Variants in NUP205 observed in about 807,000 individuals in gnomAD.
The protein encoded by NUP205 is nucleoporin 205.
NUP205 carries 76 observed loss-of-function variants against 253.8 expected under a neutral mutation model. The ratio of observed to expected loss-of-function variants is 0.30; its 90% confidence interval spans 0.25 to 0.36. NUP205 has a LOEUF of 0.36. NUP205 is among the 10% of genes least tolerant of loss of function. NUP205 has a pLI of 1.00. For missense variants in NUP205, 2,162 were observed against 2,425.5 expected (o/e 0.89, Z 2.28); for synonymous variants, 832 against 850.1 (o/e 0.98, Z 0.37).
At chr7:135,570,761 T>TATTATATTAATATATATTA (rs1554456509) in intron 1 of NUP205, among the ~76,000 whole-genome samples, 4 of 89,798 alleles carry the variant, frequency 4.5e-5, no homozygotes, top group South Asian at 3.1e-4. Context: ...TATATTTATA[T>TATTATATTAATATATATTA]ATTATATTAA....
chr7:135,608,572 G>A (rs1209251724), intron 22 of NUP205, among the ~76,000 whole-genome samples: 1 of 151,900 alleles, frequency 6.6e-6, no homozygotes, highest in Non-Finnish European at 1.5e-5. Flanking sequence ...GCTGGGCGTG[G>A]TGGCACGTGC....
intron 2 of NUP205, among the ~76,000 whole-genome samples, 158 bp downstream of exon 2, chr7:135,571,405 A>C (rs1805994947): frequency 6.7e-6 from 1 of 149,252 alleles, no homozygotes; most frequent in Non-Finnish European, 1.5e-5. Flanking sequence ...TGTACCCCTA[A>C]ACGCTTAAAA....
chr7:135,573,797 A>C lies in NUP205; in HGVS notation c.315A>C (p.Glu105Asp). 6.2e-7 allele frequency: 1 copy of C among 1,612,888 alleles called. No homozygotes were observed. Among genetic ancestry groups the C allele is most frequent in the Non-Finnish European group, 8.5e-7 (1 of 1,179,680 alleles). ...TCAGTGACCTTTTTGATATTGGAGAATTGGCAGCTGTTGAGCTTCTTCTTG... is the reference window on the plus strand; with the variant it reads ...TCAGTGACCTTTTTGATATTGGAGACTTGGCAGCTGTTGAGCTTCTTCTTG... ...FILSDLFDIG[E>D]LAAVELLLAG... The change falls in exon 3 of 43, where the codon GAA becomes GAC. Residue 105 changes from glutamate (E) to aspartate (D), a missense_variant. Glu to Asp is a conservative substitution (Grantham distance 45). This residue lies in a region of NUP205 where 109 missense variants were observed against 131.8 expected (regional missense o/e 0.83). Transcript: ENST00000285968.
intron 28 of NUP205, 21 bp downstream of exon 28, chr7:135,618,624 C>T (rs1431681959): frequency 6.6e-7 from 1 of 1,524,198 alleles, no homozygotes; most frequent in South Asian, 1.3e-5. Flanking sequence ...TCCTAAAATA[C>T]TTTATACTGC....
intron 11 of NUP205, 60 bp downstream of exon 11, chr7:135,591,660 C>T: frequency 6.9e-7 from 1 of 1,451,140 alleles, no homozygotes; most frequent in South Asian, 1.2e-5. Flanking sequence ...TTCAGTATCC[C>T]ACTACCTATT....
rs766915027 is a variant in NUP205 at position 135,587,616 on chromosome 7, G to A, written c.1260G>A (p.Met420Ile). Reference sequence around the variant, plus strand: ...ATCGGGCAGATGAAGATGCTCGAATGATTCACATGAGTATGCAGATGGGTA... The same window carrying A: ...ATCGGGCAGATGAAGATGCTCGAATAATTCACATGAGTATGCAGATGGGTA... ...LRNRADEDAR[M>I]IHMSMQMGNE... Residue 420 changes from methionine (M) to isoleucine (I), a missense_variant, in exon 9 of 43, where the codon ATG becomes ATA. Met to Ile is a conservative substitution (Grantham distance 10, BLOSUM62 1). Around this residue, in one of 5 missense-constraint regions of NUP205, gnomAD observed 892 missense variants for 957.1 expected, o/e 0.93. Transcript: ENST00000285968. 11 of 1,608,302 alleles carry A rather than the reference G, an allele frequency of 6.8e-6. No homozygotes were observed. Among genetic ancestry groups the A allele is most frequent in the Non-Finnish European group, 9.3e-6 (11 of 1,177,462 alleles).
At chr7:135,627,128 A>G (rs997549268) in intron 33 of NUP205, among the ~76,000 whole-genome samples, 1 of 152,170 alleles carries the variant, frequency 6.6e-6, no homozygotes, top group Admixed American at 6.5e-5. Context: ...TGCTATTATC[A>G]CTTGTCTGTG....
intron 28 of NUP205, among the ~76,000 whole-genome samples, chr7:135,619,175 G>T (rs562949105): frequency 2.6e-5 from 4 of 151,956 alleles, no homozygotes; most frequent in Non-Finnish European, 4.4e-5. Flanking sequence ...ACCAACCTGG[G>T]CAACATAGTG....
At position 135,573,609 on chromosome 7, in the gene NUP205, C is replaced by G. The variant is rs143851829; in HGVS notation, c.172-45C>G. On this transcript the variant is annotated intron_variant, in intron 2 of 42. Coordinates refer to ENST00000285968, the MANE Select transcript of NUP205 (RefSeq NM_015135.3). ...TGTAGGTAACACTTTGGGACCTTGT[C>G]TCCAGTGTGCTATTTTCATAACAAT... The G allele has an allele frequency of 2.2e-4, 329 of 1,486,820 alleles. No individual in the cohort carries two copies. The Middle Eastern group carries it at 2.3e-3, about 10-fold the overall frequency. 92.1% of individuals were successfully genotyped at this position (1,486,820 alleles called of 1,614,324 possible).
chr7:135,584,904 T>C lies in NUP205; in HGVS notation c.1115T>C (p.Leu372Pro). The C allele has an allele frequency of 6.2e-7, 1 of 1,613,938 alleles. No individual in the cohort carries two copies. Among genetic ancestry groups the C allele is most frequent in the Non-Finnish European group, 8.5e-7 (1 of 1,179,796 alleles). ...ATTGCTGACAACGTTTTCCTGTTCC[T>C]CATGGAATCTGTAGTGGTATCAGAA... ...LAIADNVFLF[L>P]MESVVVSEYF... Residue 372 changes from leucine to proline, a missense_variant, in exon 8 of 43, where the codon CTC (leucine) becomes CCC (proline). Coordinates refer to ENST00000285968, the MANE Select transcript of NUP205 (RefSeq NM_015135.3).
intron 34 of NUP205, among the ~76,000 whole-genome samples, chr7:135,628,989 G>T (rs73725435): frequency 0.035 from 5,366 of 152,266 alleles, 128 homozygotes; most frequent in Middle Eastern, 0.1. Flanking sequence ...TTTTTTAGTA[G>T]AAGTGGGACA....
At chr7:135,580,072 C>T (rs1476967588) in intron 7 of NUP205, among the ~76,000 whole-genome samples, 1 of 152,188 alleles carries the variant, frequency 6.6e-6, no homozygotes, top group African/African-American at 2.4e-5. Flanking sequence ...ATACATGGAA[C>T]ACGAAGCCCA....
chr7:135,619,777 C>T lies in NUP205; in HGVS notation c.4232-13C>T. On this transcript the variant is annotated splice_polypyrimidine_tract_variant and intron_variant, in intron 29 of 42. Transcript: ENST00000285968. ...GAAAAGATTTTCATTTGACATCTTC[C>T]TAATCTCCCTAGGTGGTGGATTCCA... 1.2e-6 allele frequency: 2 copies of T among 1,600,150 alleles called. No homozygotes were observed. The highest frequency in any genetic ancestry group is 1.7e-6 in the Non-Finnish European group (2 of 1,173,270).
chr7:135,624,780 C>G (rs529036304), intron 31 of NUP205, among the ~76,000 whole-genome samples: 98 of 152,184 alleles, frequency 6.4e-4, no homozygotes, highest in Non-Finnish European at 1.0e-3. Context: ...TGTGCCCAAC[C>G]TAGTTATTAT....
chr7:135,572,846 C>T (rs889437651), intron 2 of NUP205, among the ~76,000 whole-genome samples: 4 of 152,222 alleles, frequency 2.6e-5, no homozygotes, highest in Admixed American at 6.5e-5. Context: ...TGACCCACCA[C>T]GCCCAGTCTG....
rs890908537 is a variant in NUP205, at chr7:135,560,184, C to T, written c.28+2212C>T. Among the ~76,000 whole-genome samples the T allele has an allele frequency of 4.6e-5, 7 of 151,358 alleles. No homozygotes were observed. In the South Asian group the frequency reaches 6.3e-4, roughly 14 times the overall value. ...ATTTTTTTTGTATTTTTAGTAGAGA[C>T]GGGGTTTCACCATGTTGGCCAGACT... is the stretch of plus-strand genomic sequence containing the variant. On this transcript the variant is annotated intron_variant, in intron 1 of 42. Coordinates refer to ENST00000285968, the MANE Select transcript of NUP205 (RefSeq NM_015135.3).
At position 135,631,736 on chromosome 7, in the gene NUP205, T is replaced by TTTC. The variant is rs746565857; in HGVS notation, c.5059+1268_5059+1269insCTT. ...TTGATTTATCTCTTGGTATTTTTTTTTTTCTTTCTTTCTTTCTTTCTTTTT... is the reference window on the plus strand; with the variant it reads ...TTGATTTATCTCTTGGTATTTTTTTTTTCTTTCTTTCTTTCTTTCTTTCTTTTT... On this transcript the variant is annotated intron_variant, in intron 35 of 42. Coordinates refer to ENST00000285968, the MANE Select transcript of NUP205 (RefSeq NM_015135.3). 1.4e-3 allele frequency among the ~76,000 whole-genome samples: 213 copies of TTTC among 147,694 alleles called. 1 individual carries two copies. Among genetic ancestry groups the TTTC allele is most frequent in the Non-Finnish European group, 2.3e-3 (158 of 67,334 alleles).
chr7:135,574,191 G>T (rs1337232834), intron 3 of NUP205, among the ~76,000 whole-genome samples: 5 of 152,132 alleles, frequency 3.3e-5, no homozygotes, highest in Admixed American at 2.6e-4. Flanking sequence ...GATCAGAATT[G>T]TTAAAGACAT....
rs1243074122 is a variant in NUP205 at position 135,637,977 on chromosome 7, T to C, written c.5183T>C (p.Leu1728Pro). The stretch of plus-strand genomic sequence containing the variant: ...AGTCGCTTTGGTGGCTCTGACAGAC[T>C]GCGTCAGTTTAAATTTCAAGACGAT... Reference protein sequence around the residue: ...LLSRFGGSDRLRQFKFQDDNV... With the variant: ...LLSRFGGSDRPRQFKFQDDNV... The change falls in exon 37 of 43, where the codon CTG becomes CCG. Residue 1728 changes from leucine to proline, a missense_variant. This residue lies in a region of NUP205 where 1,144 missense variants were observed against 1,280.9 expected (regional missense o/e 0.89). Transcript: ENST00000285968. 1 of 1,613,998 alleles carries C rather than the reference T, an allele frequency of 6.2e-7. No individual in the cohort carries two copies. Among genetic ancestry groups the C allele is most frequent in the African/African-American group, 1.3e-5 (1 of 75,042 alleles).
Sources: allele counts gnomAD v4.1 joint callset (sites outside exome capture counted in the v4.1 genomes callset), GRCh38; gene constraint gnomAD v4.1.1; regional missense constraint gnomAD v4.1.1; transcripts MANE v1.5; gene names NCBI Gene and HGNC (gene_info 2026-07-23, HGNC 2026-07-21).